SRSF4: variants seen among roughly 807,000 people sequenced by gnomAD.
The protein encoded by SRSF4 is serine and arginine rich splicing factor 4.
Under a neutral mutation model 48.8 loss-of-function variants are expected in SRSF4, and 12 were observed. That is an observed-to-expected ratio of 0.25 (90% confidence interval 0.16 to 0.40). The LOEUF is 0.40. SRSF4 is among the 10% of genes least tolerant of loss of function. SRSF4 has a pLI of 1.00. For synonymous variants in SRSF4, 248 were observed against 232.5 expected, an observed-to-expected ratio of 1.07 and a Z score of -0.61; for missense variants, 466 against 667.1, an observed-to-expected ratio of 0.70 and a Z score of 3.32.
In SRSF4 at chr1:29,154,741, C is replaced by G; in HGVS notation, c.533G>C (p.Gly178Ala). Residue 178 changes from glycine (G) to alanine (A), a missense_variant, in exon 4 of 6, where the codon GGT (glycine) becomes GCT (alanine). This residue lies in a region of SRSF4 where 402 missense variants were observed against 437.0 expected (regional missense o/e 0.92). Transcript: ENST00000373795. ...RKIRLVEDKP[G>A]SRRRRSYSRS... ...GGAGTAGGACCGGCGTCGTCTGGAA[C>G]CTGGCTTGTCTTCAACTAATCTGAT... 6.2e-7 allele frequency: 1 copy of G among 1,614,216 alleles called. No homozygotes were observed. Among genetic ancestry groups the G allele is most frequent in the South Asian group, 1.1e-5 (1 of 91,090 alleles).
At chr1:29,165,704 G>C (rs1672660707) in intron 1 of SRSF4, among the ~76,000 whole-genome samples, 1 of 152,186 alleles carries the variant, frequency 6.6e-6, no homozygotes, top group Non-Finnish European at 1.5e-5. Context: ...TGGCTAACTG[G>C]GCAAGGCATG....
At chr1:29,152,492 T>G (rs7518203) in intron 4 of SRSF4, among the ~76,000 whole-genome samples, 5,179 of 152,272 alleles carry the variant, frequency 0.034, 266 homozygotes, top group African/African-American at 0.12. Flanking sequence ...GGCCTAATGG[T>G]CAGTATATCT....
Position 29,148,303 on chromosome 1 carries a change from A to G in SRSF4, c.*107T>C. On this transcript the variant is annotated 3_prime_UTR_variant, in exon 6 of 6. Transcript: ENST00000373795. ...ACAATTATAGACACACCATTAGGGGAGTTAAAAATGTACAGCAGTGACATG... is the reference window on the plus strand; with the variant it reads ...ACAATTATAGACACACCATTAGGGGGGTTAAAAATGTACAGCAGTGACATG... 7.2e-7 allele frequency: 1 copy of G among 1,381,810 alleles called. No individual in the cohort carries two copies. Among genetic ancestry groups the G allele is most frequent in the South Asian group, 1.3e-5 (1 of 77,214 alleles). 85.6% of individuals were successfully genotyped at this position (1,381,810 alleles called of 1,614,324 possible). A position where few individuals can be genotyped will look rare whatever the true frequency, so the allele number is the denominator to read the frequency against.
chr1:29,150,254 A>C, intron 4 of SRSF4, 62 bp from the exon 5 acceptor site: 1 of 1,080,330 alleles, frequency 9.3e-7, no homozygotes, highest in Non-Finnish European at 1.4e-6. Context: ...GCATCAATCA[A>C]GACTATATAT....
chr1:29,161,262 A>G lies in SRSF4; in HGVS notation c.108-745T>C, dbSNP rs541365359. Among the ~76,000 whole-genome samples, 8 of 152,370 alleles carry G rather than the reference A, an allele frequency of 5.3e-5. No individual in the cohort carries two copies. In the East Asian group the frequency reaches 9.6e-4, roughly 18 times the overall value. On this transcript the variant is annotated intron_variant, in intron 1 of 5. Coordinates refer to ENST00000373795, the MANE Select transcript of SRSF4 (RefSeq NM_005626.5). Reference sequence around the variant, plus strand: ...ATTAAAGAGTACAATTTATATAGCTAAAGTGCAAAATTTGTAAGATACTTA... The same window carrying G: ...ATTAAAGAGTACAATTTATATAGCTGAAGTGCAAAATTTGTAAGATACTTA...
chr1:29,179,908 G>T lies in SRSF4; in HGVS notation c.107+1738C>A, dbSNP rs1319044316. ...TGGGTTATCAATACATTTGGTTGAT[G>T]AATCAGTTTCCCATTAACAGTCTTG... On this transcript the variant is annotated intron_variant, in intron 1 of 5. Coordinates refer to ENST00000373795, the MANE Select transcript of SRSF4 (RefSeq NM_005626.5). Among the ~76,000 whole-genome samples the T allele has an allele frequency of 5.3e-5, 8 of 152,190 alleles. No individual in the cohort carries two copies. In the East Asian group the frequency reaches 1.3e-3, roughly 26 times the overall value.
At chr1:29,175,910 A>T (rs913193641) in intron 1 of SRSF4, among the ~76,000 whole-genome samples, 1 of 152,038 alleles carries the variant, frequency 6.6e-6, no homozygotes, top group African/African-American at 2.4e-5. Context: ...TGCTTTGTAC[A>T]TGCCAGTGCA....
rs138237342 is a variant in SRSF4, at chr1:29,148,709, T to C, written c.1186A>G (p.Lys396Glu). ...SKAGSSKKKKKEDTDRSQSRS... is the reference protein window; with the variant it reads ...SKAGSSKKKKEEDTDRSQSRS... ...GACTGGGAGCGGTCAGTGTCTTCCT[T>C]CTTCTTCTTCTTGCTGCTGCCCGCC... Residue 396 changes from lysine (K) to glutamate (E), a missense_variant, in exon 6 of 6, where the codon AAG (lysine) becomes GAG (glutamate). Lys to Glu is a moderately conservative substitution (Grantham distance 56). Transcript: ENST00000373795. 43 of 1,583,912 alleles carry C rather than the reference T, an allele frequency of 2.7e-5. No homozygotes were observed. In the East Asian group the frequency reaches 5.7e-4, roughly 21 times the overall value.
At chr1:29,152,922 C>CAAAAAA (rs35153002) in intron 4 of SRSF4, among the ~76,000 whole-genome samples, 1 of 141,378 alleles carries the variant, frequency 7.1e-6, no homozygotes, top group African/African-American at 2.6e-5. Flanking sequence ...AACTCCGTCT[C>CAAAAAA]AAAAAAAAAA....
rs750887271 is a variant in SRSF4, at chr1:29,159,407, A to G, written c.330T>C (p.Asn110=). 6.2e-7 allele frequency: 1 copy of G among 1,614,044 alleles called. No homozygotes were observed. Among genetic ancestry groups the G allele is most frequent in the Non-Finnish European group, 8.5e-7 (1 of 1,179,984 alleles). ...TRTEYRLIVE[N]LSSRCSWQDL... ...CTTGCCAGCTGCACCGACTTGACAA[A>G]TTCTCCACAATAAGTCTGTACTCTG... Residue 110 remains asparagine (N), a synonymous_variant, in exon 3 of 6, where the codon AAT becomes AAC. Coordinates refer to ENST00000373795, the MANE Select transcript of SRSF4 (RefSeq NM_005626.5).
rs566708943 is a variant in SRSF4 at position 29,150,740 on chromosome 1, G to A, written c.579-548C>T. ...CGGCTCCTTTTGCTGGGCTCCTTAT[G>A]TGCACTGATGCCACTGTTATTCATA... On this transcript the variant is annotated intron_variant, in intron 4 of 5. Coordinates refer to ENST00000373795, the MANE Select transcript of SRSF4 (RefSeq NM_005626.5). 4.1e-4 allele frequency among the ~76,000 whole-genome samples: 62 copies of A among 152,224 alleles called. 1 individual carries two copies. The South Asian group carries it at 0.013, about 32-fold the overall frequency.
At chr1:29,154,995 AG>A in intron 3 of SRSF4, 85 bp from the exon 4 acceptor site, 1 of 1,228,040 alleles carries the variant, frequency 8.1e-7, no homozygotes, top group East Asian at 2.4e-5. Flanking sequence ...TTTTCCTTTA[AG>A]AAATGCCAGC....
intron 1 of SRSF4, among the ~76,000 whole-genome samples, chr1:29,176,259 A>C (rs1672851235): frequency 6.6e-6 from 1 of 151,994 alleles, no homozygotes; most frequent in Admixed American, 6.6e-5. Context: ...CTCAAAAAAA[A>C]CAAAAAACAA....
intron 4 of SRSF4, among the ~76,000 whole-genome samples, chr1:29,153,400 A>G (rs1672446077): frequency 6.6e-6 from 1 of 151,896 alleles, no homozygotes; most frequent in African/African-American, 2.4e-5. Flanking sequence ...CACTCGCCTC[A>G]GCCTCCCAAA....
intron 3 of SRSF4, among the ~76,000 whole-genome samples, chr1:29,157,912 G>A (rs1431103040): frequency 1.3e-5 from 2 of 152,214 alleles, no homozygotes; most frequent in Non-Finnish European, 2.9e-5. Flanking sequence ...GCTCACGCCT[G>A]TAATCCCAGC....
intron 4 of SRSF4, among the ~76,000 whole-genome samples, chr1:29,153,723 C>G (rs541631931): frequency 6.6e-6 from 1 of 151,494 alleles, no homozygotes; most frequent in Non-Finnish European, 1.5e-5. Context: ...CTCAGCCTCC[C>G]GAGTAGCTGG....
intron 4 of SRSF4, among the ~76,000 whole-genome samples, chr1:29,154,063 T>G (rs946015168): frequency 1.3e-5 from 2 of 151,952 alleles, no homozygotes; most frequent in Non-Finnish European, 2.9e-5. Flanking sequence ...CACACCATTT[T>G]TTTTTTTGAG....
At chr1:29,153,004 G>C (rs945010699) in intron 4 of SRSF4, among the ~76,000 whole-genome samples, 3 of 151,978 alleles carry the variant, frequency 2.0e-5, no homozygotes, top group Admixed American at 1.3e-4. Flanking sequence ...CAGTTCTACA[G>C]CATGTCCTTA....
intron 3 of SRSF4, among the ~76,000 whole-genome samples, chr1:29,156,292 T>A (rs1373524595): frequency 2.7e-5 from 4 of 150,594 alleles, no homozygotes; most frequent in African/African-American, 7.3e-5. Flanking sequence ...AGGTGGAAGT[T>A]GCAGTGAGCG....
Sources: gnomAD v4.1 joint callset for allele counts (sites outside exome capture counted in the v4.1 genomes callset) on GRCh38, gnomAD v4.1.1 for gene constraint, gnomAD v4.1.1 regional missense constraint, MANE v1.5 for transcripts, NCBI Gene and HGNC (gene_info 2026-07-23, HGNC 2026-07-21) for gene names.